Variants in CNTN4 observed in about 807,000 individuals in gnomAD.
CNTN4 encodes the protein contactin-4.
Under a neutral mutation model 122.5 loss-of-function variants are expected in CNTN4, and 77 were observed. That is an observed-to-expected ratio of 0.63 (90% CI 0.52 to 0.76). CNTN4 has a LOEUF of 0.76. Ranked by LOEUF, CNTN4 falls within the 30% of genes least tolerant of loss-of-function variation. The pLI is 0.00. For missense variants in CNTN4, 1,256 were observed against 1,259.1 expected (o/e 1.00, Z 0.04); for synonymous variants, 512 against 447.0 (o/e 1.15, Z -1.83).
intron 3 of CNTN4, among the ~76,000 whole-genome samples, chr3:2,458,446 C>T (rs2049080208): frequency 6.6e-6 from 1 of 152,174 alleles, no homozygotes; most frequent in Non-Finnish European, 1.5e-5. Context: ...GAATGGAAAT[C>T]TCTAATGATC....
rs770392035 is a variant in CNTN4, at chr3:3,042,382, C to T, written c.2471C>T (p.Ser824Phe). The T allele has an allele frequency of 6.2e-7, 1 of 1,613,832 alleles. No individual in the cohort carries two copies. The highest frequency in any genetic ancestry group is 8.5e-7 in the Non-Finnish European group (1 of 1,179,756). ...SATDIEVFWA[S>F]PLEKNRGRIQ... ...ACAGATATTGAAGTTTTCTGGGCCT[C>T]CCCACTGGAGAAGAATAGAGGACGA... is the stretch of plus-strand genomic sequence containing the variant. The change falls in exon 21 of 25, where the codon TCC (serine) becomes TTC (phenylalanine). Residue 824 changes from serine to phenylalanine, a missense_variant. Transcript: ENST00000418658.
intron 2 of CNTN4, among the ~76,000 whole-genome samples, chr3:2,193,141 A>G (rs2037665259): frequency 6.6e-6 from 1 of 152,124 alleles, no homozygotes; most frequent in African/African-American, 2.4e-5. Context: ...GTTTGTCCAT[A>G]GTTCCATCCC....
intron 2 of CNTN4, among the ~76,000 whole-genome samples, chr3:2,143,646 G>A (rs1344668398): frequency 6.6e-6 from 1 of 152,178 alleles, no homozygotes; most frequent in South Asian, 2.1e-4. Context: ...TGCATGTTGT[G>A]TGCTAGGCAT....
At chr3:2,144,105 G>C (rs1303449809) in intron 2 of CNTN4, 1 of 152,198 alleles carries the variant, frequency 6.6e-6, no homozygotes, top group African/African-American at 2.4e-5. Context: ...AAGAAATAGA[G>C]GGTGTAGGAG....
At chr3:2,153,233 G>T (rs973888661) in intron 2 of CNTN4, among the ~76,000 whole-genome samples, 1 of 152,190 alleles carries the variant, frequency 6.6e-6, no homozygotes, top group Non-Finnish European at 1.5e-5. Flanking sequence ...CAAGGCAAAT[G>T]AGATCACCAT....
intron 6 of CNTN4, among the ~76,000 whole-genome samples, chr3:2,800,906 C>T (rs188771534): frequency 3.9e-5 from 6 of 152,304 alleles, no homozygotes; most frequent in South Asian, 2.1e-4. Flanking sequence ...CTTCAGGTCT[C>T]TACTCAAACG....
intron 3 of CNTN4, among the ~76,000 whole-genome samples, chr3:2,568,332 A>AAAC (rs1553562739): frequency 2.0e-5 from 3 of 151,106 alleles, no homozygotes; most frequent in African/African-American, 7.3e-5. Context: ...AAAAAAAAAA[A>AAAC]AAAAAAAACC....
intron 2 of CNTN4, among the ~76,000 whole-genome samples, chr3:2,328,000 A>G (rs1224834395): frequency 1.3e-5 from 2 of 152,226 alleles, no homozygotes; most frequent in Admixed American, 1.3e-4. Flanking sequence ...GAGGAAAGCA[A>G]TATCACACAT....
intron 6 of CNTN4, among the ~76,000 whole-genome samples, chr3:2,798,293 G>GTA (rs60471993): frequency 7.9e-6 from 1 of 126,576 alleles, no homozygotes; most frequent in African/African-American, 2.9e-5. Context: ...GTGTGTGTGT[G>GTA]TATATATATA....
chr3:2,584,381 G>A (rs2080084246), intron 4 of CNTN4, among the ~76,000 whole-genome samples: 1 of 152,068 alleles, frequency 6.6e-6, no homozygotes, highest in Non-Finnish European at 1.5e-5. Context: ...AAGTGATTGT[G>A]TTTAGTTTTG....
rs190310422 is a variant in CNTN4, at chr3:2,428,007, G to A, written c.-89+88774G>A. On this transcript the variant is annotated intron_variant, in intron 3 of 24. Coordinates refer to ENST00000418658, the MANE Select transcript of CNTN4 (RefSeq NM_175607.3). ...GTGTCCTAAATACAGCACACTGACAGGTCTTGACTCTTTATCCAATTTGCC... is the reference window on the plus strand; with the variant it reads ...GTGTCCTAAATACAGCACACTGACAAGTCTTGACTCTTTATCCAATTTGCC... 3.9e-5 allele frequency among the ~76,000 whole-genome samples: 6 copies of A among 152,046 alleles called. No homozygotes were observed. The East Asian group carries it at 1.2e-3, about 29-fold the overall frequency.
At chr3:2,930,544 CTTCTTA>C (rs1325197735) in intron 13 of CNTN4, among the ~76,000 whole-genome samples, 2 of 152,164 alleles carry the variant, frequency 1.3e-5, no homozygotes, top group Non-Finnish European at 2.9e-5. Context: ...TAAATAAAGT[CTTCTTA>C]TTCTTATGCT....
chr3:2,142,615 T>G (rs2035050423), intron 2 of CNTN4, among the ~76,000 whole-genome samples: 3 of 152,208 alleles, frequency 2.0e-5, no homozygotes, highest in Admixed American at 1.3e-4. Context: ...ACTGCTGGGA[T>G]TAGAGGCGCA....
At chr3:2,140,024 C>A (rs964309080) in intron 2 of CNTN4, among the ~76,000 whole-genome samples, 2 of 152,172 alleles carry the variant, frequency 1.3e-5, no homozygotes, top group Admixed American at 1.3e-4. Context: ...ATAGCAAATG[C>A]GTCTCACAGG....
chr3:2,208,682 G>C (rs1047651976), intron 2 of CNTN4, among the ~76,000 whole-genome samples: 1 of 151,988 alleles, frequency 6.6e-6, no homozygotes, highest in Non-Finnish European at 1.5e-5. Context: ...CGAAAGGAAG[G>C]GTCTATCTAT....
chr3:2,959,661 TTTAAG>T (rs1375482329), intron 13 of CNTN4, among the ~76,000 whole-genome samples: 2 of 146,984 alleles, frequency 1.4e-5, no homozygotes, highest in African/African-American at 2.5e-5. Flanking sequence ...ATACTAAATT[TTTAAG>T]TGACTGATTT....
chr3:2,870,995 G>C (rs1238084857), intron 8 of CNTN4, among the ~76,000 whole-genome samples: 1 of 152,026 alleles, frequency 6.6e-6, no homozygotes, highest in East Asian at 1.9e-4. Context: ...AAACCCTGGG[G>C]CTCCCTGTTC....
chr3:2,188,806 T>C (rs1328059729), intron 2 of CNTN4, among the ~76,000 whole-genome samples: 2 of 152,142 alleles, frequency 1.3e-5, no homozygotes, highest in Non-Finnish European at 2.9e-5. Context: ...TGGATGGCAA[T>C]GGGCTTTACA....
intron 3 of CNTN4, among the ~76,000 whole-genome samples, chr3:2,488,469 C>A (rs2076226484): frequency 6.6e-6 from 1 of 152,040 alleles, no homozygotes. Flanking sequence ...TGTGTGTGCC[C>A]TGTGTGAGAT....
Sources: gnomAD v4.1 joint callset for allele counts (sites outside exome capture counted in the v4.1 genomes callset) on GRCh38, gnomAD v4.1.1 for gene constraint, MANE v1.5 for transcripts, NCBI Gene and HGNC (gene_info 2026-07-23, HGNC 2026-07-21) for gene names.